Variants in LONP1 observed in about 807,000 individuals in gnomAD.
LONP1 encodes the protein lon peptidase 1, mitochondrial, also known as lon protease homolog, mitochondrial.
LONP1 carries 31 observed loss-of-function variants against 98.5 expected under a neutral mutation model. The observed-to-expected ratio is 0.31, with a 90% CI of 0.24 to 0.42. LONP1 has a LOEUF of 0.42. Among genes scored for constraint, LONP1 ranks in the 20% least tolerant of loss-of-function variants. LONP1 has a pLI of 1.00. For missense variants in LONP1, 1,336 were observed against 1,350.6 expected (o/e 0.99, Z 0.17); for synonymous variants, 781 against 594.7 (o/e 1.31, Z -4.56).
At chr19:5,694,579 CACGGGAAGGTGGGGTGACAGGT>C (rs2054890045) in intron 14 of LONP1, 27 bp from the exon 15 acceptor site, 3 of 1,606,292 alleles carry the variant, frequency 1.9e-6, no homozygotes, top group Non-Finnish European at 2.6e-6. Flanking sequence ...ACACAATGGG[CACGGGAAGGTGGGGTGACAGGT>C]GCGGGGTGGT....
chr19:5,707,260 T>C, intron 6 of LONP1, 117 bp from the exon 7 acceptor site: 3 of 789,158 alleles, frequency 3.8e-6, no homozygotes, highest in Non-Finnish European at 6.4e-6. Flanking sequence ...CTGGCCATGC[T>C]GTACCCAGCA....
chr19:5,705,488 C>G (rs1234316430), intron 8 of LONP1, among the ~76,000 whole-genome samples: 1 of 150,546 alleles, frequency 6.6e-6, no homozygotes, highest in Non-Finnish European at 1.5e-5. Flanking sequence ...GCAGCCCTGG[C>G]TTAGAGCCAG....
At chr19:5,696,395 T>G in intron 11 of LONP1, 24 bp from the exon 12 acceptor site, 7 of 1,609,424 alleles carry the variant, frequency 4.3e-6, no homozygotes, top group Non-Finnish European at 5.9e-6. Flanking sequence ...CAGCAGGTGG[T>G]GCCCCTCGCC....
intron 8 of LONP1, among the ~76,000 whole-genome samples, chr19:5,705,341 C>T (rs949784300): frequency 6.6e-6 from 1 of 151,926 alleles, no homozygotes; most frequent in Admixed American, 6.6e-5. Context: ...GCCTATAGTC[C>T]CAGATACTTG....
chr19:5,711,325 C>T (rs1220121907), intron 4 of LONP1, among the ~76,000 whole-genome samples: 1 of 152,252 alleles, frequency 6.6e-6, no homozygotes, highest in Non-Finnish European at 1.5e-5. Flanking sequence ...ACCTCGGAAG[C>T]TGACTCCTTG....
chr19:5,705,424 C>T (rs1256603845), intron 8 of LONP1, among the ~76,000 whole-genome samples: 1 of 148,478 alleles, frequency 6.7e-6, no homozygotes, highest in Non-Finnish European at 1.5e-5. Context: ...TGCCACTGCA[C>T]TCCAGTCTGG....
intron 7 of LONP1, among the ~76,000 whole-genome samples, chr19:5,706,634 G>A (rs117596591): frequency 0.016 from 2,401 of 152,128 alleles, 43 homozygotes; most frequent in East Asian, 0.035. Context: ...AAAATGCTAC[G>A]ACCGTGAGGT....
chr19:5,716,928 G>A (rs2055333981), intron 1 of LONP1, among the ~76,000 whole-genome samples: 1 of 151,980 alleles, frequency 6.6e-6, no homozygotes, highest in South Asian at 2.1e-4. Context: ...CGAGTAGCTG[G>A]GACTACGGGC....
At chr19:5,716,218 G>A (rs2055315084) in intron 1 of LONP1, among the ~76,000 whole-genome samples, 1 of 130,636 alleles carries the variant, frequency 7.7e-6, no homozygotes, top group Non-Finnish European at 1.6e-5. Context: ...TTTTCTTTTT[G>A]AAGTTTTTAA....
intron 5 of LONP1, 94 bp from the exon 6 acceptor site, chr19:5,707,920 C>T (rs531826658): frequency 4.8e-6 from 7 of 1,461,544 alleles, no homozygotes; most frequent in East Asian, 2.3e-5. Context: ...GGGTCCCTGT[C>T]CCCTGTAGCT....
rs1194107812 is a variant in LONP1, at chr19:5,716,257, TAC to T, written c.430-1988_430-1987del. Among the ~76,000 whole-genome samples the T allele has an allele frequency of 8.6e-3, 717 of 83,604 alleles. 10 individuals are homozygous for T. Among genetic ancestry groups the T allele is most frequent in the Middle Eastern group, 0.015 (2 of 136 alleles). 54.8% of individuals were successfully genotyped at this position (83,604 alleles called of 152,430 possible). On this transcript the variant is annotated intron_variant, in intron 1 of 17. Transcript: ENST00000360614. ...TTTATTATATAATAAAGTTAAAATA[TAC>T]ATATATATATATATATATATATATA...
At chr19:5,694,943 C>T (rs1018186641) in intron 13 of LONP1, 42 bp from the exon 14 acceptor site, 4 of 1,574,498 alleles carry the variant, frequency 2.5e-6, no homozygotes, top group Non-Finnish European at 3.5e-6. Flanking sequence ...AGGGACCTTG[C>T]CCACCAGCTC....
intron 14 of LONP1, 51 bp from the exon 15 acceptor site, chr19:5,694,603 C>A: frequency 6.7e-7 from 1 of 1,500,176 alleles, no homozygotes; most frequent in Non-Finnish European, 9.1e-7. Flanking sequence ...GTGACAGGTG[C>A]GGGGTGGTGG....
Position 5,696,135 on chromosome 19 carries a change from G to A in LONP1, c.1932C>T (p.Thr644=), listed in dbSNP as rs3745624. Residue 644 remains threonine, a synonymous_variant, in exon 13 of 18, where the codon ACC becomes ACT. Coordinates refer to ENST00000360614, the MANE Select transcript of LONP1 (RefSeq NM_004793.4). ...LFICTANVTD[T]IPEPLRDRME... is the part of the protein sequence containing the mutation. ...TACGGTCTCGCAGCGGCTCGGGGAT[G>A]GTGTCCGTGACGTTGGCCGTGCAGA... 367,807 of 1,612,712 alleles carry A rather than the reference G, an allele frequency of 0.23. 43,587 individuals carry two copies. The highest frequency in any genetic ancestry group is 0.26 in the Middle Eastern group (1,553 of 6,058).
intron 1 of LONP1, among the ~76,000 whole-genome samples, chr19:5,716,259 C>CATACATATATATATATATATAT (rs1555714148): frequency 1.3e-5 from 1 of 77,232 alleles, no homozygotes; most frequent in Non-Finnish European, 2.3e-5. Flanking sequence ...TTAAAATATA[C>CATACATATATATATATATATAT]ATATATATAT....
chr19:5,696,143 T>C lies in LONP1; in HGVS notation c.1924A>G (p.Thr642Ala), dbSNP rs766977148. Residue 642 changes from threonine to alanine, a missense_variant, in exon 13 of 18, where the codon ACG becomes GCG. This residue lies in a region of LONP1 where 555 missense variants were observed against 542.6 expected (regional missense o/e 1.02). Transcript: ENST00000360614. ...KVLFICTANV[T>A]DTIPEPLRDR... ...CGCAGCGGCTCGGGGATGGTGTCCG[T>C]GACGTTGGCCGTGCAGATGAACAGC... 1.5e-5 allele frequency: 24 copies of C among 1,612,894 alleles called. No homozygotes were observed. The South Asian group carries it at 2.3e-4, about 15-fold the overall frequency.
Position 5,713,203 on chromosome 19 carries a change from G to A in LONP1, c.569C>T (p.Thr190Met), listed in dbSNP as rs748610478. ...ESLDEIYHTG[T>M]FAQIHEMQDL... ...CTGCATCTCATGGATCTGGGCAAAC[G>A]TCCCCGTGTGGTAGATTTCATCCAG... The change falls in exon 3 of 18, where the codon ACG (threonine) becomes ATG (methionine). Residue 190 changes from threonine (T) to methionine (M), a missense_variant. This residue lies in a region of LONP1 where 457 missense variants were observed against 403.1 expected (regional missense o/e 1.13). Transcript: ENST00000360614. The A allele has an allele frequency of 8.1e-6, 13 of 1,613,986 alleles. No homozygotes were observed. The highest frequency in any genetic ancestry group is 2.7e-5 in the African/African-American group (2 of 74,892).
intron 8 of LONP1, 81 bp from the exon 9 acceptor site, chr19:5,701,008 A>G: frequency 6.5e-7 from 1 of 1,539,082 alleles, no homozygotes. Context: ...GGGTGGTTGC[A>G]AGGGGCTTGA....
intron 1 of LONP1, among the ~76,000 whole-genome samples, chr19:5,715,877 C>T (rs74929655): frequency 6.6e-6 from 1 of 151,770 alleles, no homozygotes. Flanking sequence ...ATGCCTGGTT[C>T]CTCCAATTTT....
Sources: allele counts gnomAD v4.1 joint callset (sites outside exome capture counted in the v4.1 genomes callset), GRCh38; gene constraint gnomAD v4.1.1; regional missense constraint gnomAD v4.1.1; transcripts MANE v1.5; gene names NCBI Gene and HGNC (gene_info 2026-07-23, HGNC 2026-07-21).